GUCY1A2: variants seen among roughly 807,000 people sequenced by gnomAD.
GUCY1A2 encodes the protein guanylate cyclase 1 soluble subunit alpha 2.
In GUCY1A2, 27 loss-of-function variants were observed where a neutral mutation model predicts 63.5. The ratio of observed to expected loss-of-function variants is 0.43; its 90% CI spans 0.31 to 0.59. The LOEUF is 0.59. GUCY1A2 is among the 20% of genes least tolerant of loss of function. The probability of loss-of-function intolerance (pLI) is 0.11; values close to 1 mark genes in which losing one functional copy is unlikely to be tolerated. For missense variants in GUCY1A2, 768 were observed against 913.3 expected (o/e 0.84, Z 2.05); for synonymous variants, 364 against 343.5 (o/e 1.06, Z -0.66).
At chr11:106,741,847 G>T (rs1249863484) in intron 6 of GUCY1A2, among the ~76,000 whole-genome samples, 1 of 152,172 alleles carries the variant, frequency 6.6e-6, no homozygotes. Context: ...ACAATCAAGT[G>T]CACTGAATCC....
chr11:106,726,285 G>A (rs757390480), intron 6 of GUCY1A2, among the ~76,000 whole-genome samples: 4 of 151,942 alleles, frequency 2.6e-5, no homozygotes, highest in Non-Finnish European at 4.4e-5. Flanking sequence ...TCATGGTGGC[G>A]GGCACCTGTA....
At chr11:106,971,159 T>C (rs899801873) in intron 3 of GUCY1A2, among the ~76,000 whole-genome samples, 4 of 152,022 alleles carry the variant, frequency 2.6e-5, no homozygotes, top group Admixed American at 1.3e-4. Context: ...ACATTATGCA[T>C]TTTTCAATAC....
chr11:106,987,869 T>C (rs1861422119), intron 1 of GUCY1A2, among the ~76,000 whole-genome samples: 1 of 152,146 alleles, frequency 6.6e-6, no homozygotes, highest in Admixed American at 6.5e-5. Flanking sequence ...TACTCTACAT[T>C]ACCACGTAGG....
Position 107,017,843 on chromosome 11 carries a change from AGCGGCG to A in GUCY1A2, c.207_212del (p.Ala71_Ala72del). The A allele has an allele frequency of 7.9e-7, 1 of 1,266,976 alleles. No individual in the cohort carries two copies. The highest frequency in any genetic ancestry group is 9.9e-7 in the Non-Finnish European group (1 of 1,007,258). The allele number at this position is 1,266,976 out of a possible 1,614,324, so 78.5% of individuals were successfully genotyped here. ...GCACCCTCCTGGCCCCGGCAGTGGCAGCGGCGGCGGCGGCAGAAGCAGCCGGGGTCG... is the reference window on the plus strand; with the variant it reads ...GCACCCTCCTGGCCCCGGCAGTGGCAGCGGCGGCAGAAGCAGCCGGGGTCG... On this transcript the variant is annotated inframe_deletion, in exon 1 of 8. Coordinates refer to ENST00000526355, the MANE Select transcript of GUCY1A2 (RefSeq NM_000855.3).
intron 3 of GUCY1A2, among the ~76,000 whole-genome samples, chr11:106,954,318 G>C (rs527249663): frequency 6.6e-6 from 1 of 152,102 alleles, no homozygotes; most frequent in Non-Finnish European, 1.5e-5. Context: ...AAATTGTGTC[G>C]TTTTGAGTGA....
chr11:106,863,081 G>C (rs1452659003), intron 4 of GUCY1A2, among the ~76,000 whole-genome samples: 1 of 151,990 alleles, frequency 6.6e-6, no homozygotes, highest in East Asian at 1.9e-4. Flanking sequence ...TTTGTATCGA[G>C]GCTAAACACA....
At chr11:106,813,415 G>C (rs1858790769) in intron 4 of GUCY1A2, among the ~76,000 whole-genome samples, 1 of 151,762 alleles carries the variant, frequency 6.6e-6, no homozygotes, top group Non-Finnish European at 1.5e-5. Context: ...TTGTTATATA[G>C]GTAAATTCAT....
At chr11:106,900,793 TA>T (rs911175486) in intron 4 of GUCY1A2, among the ~76,000 whole-genome samples, 2 of 152,170 alleles carry the variant, frequency 1.3e-5, no homozygotes, top group South Asian at 4.1e-4. Flanking sequence ...CCATTATGTC[TA>T]AAAAAGCGAC....
At chr11:106,786,897 T>C (rs1005254019) in intron 5 of GUCY1A2, among the ~76,000 whole-genome samples, 1 of 152,214 alleles carries the variant, frequency 6.6e-6, no homozygotes, top group Non-Finnish European at 1.5e-5. Flanking sequence ...AAAATAATAT[T>C]GAGTCTATTA....
chr11:106,976,336 A>G (rs1485972019), intron 3 of GUCY1A2, among the ~76,000 whole-genome samples: 7 of 152,166 alleles, frequency 4.6e-5, no homozygotes, highest in Non-Finnish European at 7.4e-5. Flanking sequence ...CAACCTCCCA[A>G]AAAACAATTT....
intron 6 of GUCY1A2, among the ~76,000 whole-genome samples, chr11:106,776,236 C>T (rs982405533): frequency 2.0e-5 from 3 of 152,164 alleles, no homozygotes; most frequent in African/African-American, 7.2e-5. Flanking sequence ...AATTTGCCTT[C>T]CACAAACCAT....
intron 7 of GUCY1A2, among the ~76,000 whole-genome samples, chr11:106,702,829 C>A (rs939637779): frequency 9.2e-5 from 14 of 152,134 alleles, no homozygotes; most frequent in African/African-American, 3.4e-4. Context: ...CCAAGATGTC[C>A]ACATCCCAAT....
chr11:106,746,639 TG>T, intron 6 of GUCY1A2: 1 of 1,587,580 alleles, frequency 6.3e-7, no homozygotes, highest in Non-Finnish European at 8.5e-7. Flanking sequence ...TTCACTCCTC[TG>T]GGGCTTGAAA....
chr11:106,891,446 A>C (rs895593672), intron 4 of GUCY1A2, among the ~76,000 whole-genome samples: 7 of 152,058 alleles, frequency 4.6e-5, no homozygotes, highest in African/African-American at 1.4e-4. Context: ...AATTTTGATG[A>C]AATTTAATTT....
At chr11:106,744,061 T>C (rs1863742972) in intron 6 of GUCY1A2, among the ~76,000 whole-genome samples, 1 of 152,122 alleles carries the variant, frequency 6.6e-6, no homozygotes, top group Non-Finnish European at 1.5e-5. Flanking sequence ...CATACATCAT[T>C]ATTAAATAAG....
chr11:106,731,532 C>G (rs1863505724), intron 6 of GUCY1A2, among the ~76,000 whole-genome samples: 1 of 151,846 alleles, frequency 6.6e-6, no homozygotes, highest in African/African-American at 2.4e-5. Context: ...GAAGTCCTGG[C>G]CAGGGTAATG....
intron 1 of GUCY1A2, among the ~76,000 whole-genome samples, chr11:107,003,875 AG>A (rs1361050293): frequency 6.6e-6 from 1 of 152,174 alleles, no homozygotes; most frequent in African/African-American, 2.4e-5. Context: ...CAACCATGAA[AG>A]GGTAGAGAAG....
chr11:106,715,710 A>G (rs1316919757), intron 6 of GUCY1A2, among the ~76,000 whole-genome samples: 3 of 152,152 alleles, frequency 2.0e-5, no homozygotes, highest in African/African-American at 7.2e-5. Context: ...CACACTCCCT[A>G]AACTGCTTGC....
intron 6 of GUCY1A2, among the ~76,000 whole-genome samples, chr11:106,735,184 A>C (rs1863567778): frequency 6.6e-6 from 1 of 152,068 alleles, no homozygotes. Flanking sequence ...ATGTACAAAA[A>C]ATTATTCCTG....
Sources: allele counts gnomAD v4.1 joint callset (sites outside exome capture counted in the v4.1 genomes callset), GRCh38; gene constraint gnomAD v4.1.1; transcripts MANE v1.5; gene names NCBI Gene and HGNC (gene_info 2026-07-23, HGNC 2026-07-21).